Variants in NEDD4L observed in about 807,000 individuals in gnomAD.
The protein encoded by NEDD4L is NEDD4 like E3 ubiquitin protein ligase, also known as E3 ubiquitin-protein ligase NEDD4-like.
Under a neutral mutation model 148.9 loss-of-function variants are expected in NEDD4L, and 54 were observed. The ratio of observed to expected loss-of-function variants is 0.36; its 90% confidence interval spans 0.29 to 0.45. The LOEUF (loss-of-function observed/expected upper bound fraction) is 0.45, where lower values mean the gene tolerates loss of function less well. NEDD4L is among the 20% of genes least tolerant of loss of function. The pLI is 1.00. For missense variants in NEDD4L, 856 were observed against 1,233.8 expected, an observed-to-expected ratio of 0.69 and a Z score of 4.59; for synonymous variants, 433 against 440.7, an observed-to-expected ratio of 0.98 and a Z score of 0.22.
chr18:58,328,866 C>G (rs1012242833), intron 9 of NEDD4L, 129 bp from the exon 10 acceptor site: 86 of 898,426 alleles, frequency 9.6e-5, no homozygotes, highest in Non-Finnish European at 1.4e-4. Context: ...ATTGGATGAC[C>G]AGCTAGTTGT....
intron 2 of NEDD4L, among the ~76,000 whole-genome samples, chr18:58,225,488 C>A (rs1049761242): frequency 6.6e-6 from 1 of 152,174 alleles, no homozygotes; most frequent in Non-Finnish European, 1.5e-5. Context: ...GTTATGCTTG[C>A]GCACATCTAT....
chr18:58,089,801 C>T (rs553185841), intron 1 of NEDD4L, among the ~76,000 whole-genome samples: 147 of 151,458 alleles, frequency 9.7e-4, no homozygotes, highest in South Asian at 8.4e-3. Context: ...TGTGTCTTCA[C>T]GGGGTCTTTA....
intron 2 of NEDD4L, among the ~76,000 whole-genome samples, chr18:58,221,154 G>A (rs1426275083): frequency 2.6e-5 from 4 of 152,196 alleles, no homozygotes; most frequent in Non-Finnish European, 4.4e-5. Context: ...TCTGCCGAGT[G>A]TGGGGCCTCG....
At chr18:58,118,272 C>T (rs951406665) in intron 1 of NEDD4L, among the ~76,000 whole-genome samples, 2 of 152,248 alleles carry the variant, frequency 1.3e-5, no homozygotes, top group African/African-American at 4.8e-5. Context: ...TAAGGCGCTG[C>T]TTGCGCAGTA....
chr18:58,385,455 C>T (rs1312967205), intron 25 of NEDD4L, 71 bp from the exon 26 acceptor site: 2 of 1,229,192 alleles, frequency 1.6e-6, no homozygotes, highest in East Asian at 4.6e-5. Flanking sequence ...GAAGCACTCC[C>T]TGTTGCGGAG....
intron 1 of NEDD4L, among the ~76,000 whole-genome samples, chr18:58,131,968 TCAAA>T (rs1228782283): frequency 6.6e-6 from 1 of 152,200 alleles, no homozygotes; most frequent in Non-Finnish European, 1.5e-5. Context: ...AAAGGTGAGA[TCAAA>T]CATCCACTTT....
intron 14 of NEDD4L, among the ~76,000 whole-genome samples, chr18:58,341,396 T>C (rs1290806715): frequency 6.6e-6 from 1 of 152,220 alleles, no homozygotes; most frequent in African/African-American, 2.4e-5. Flanking sequence ...GTGAAAGATA[T>C]TTTCAAAGTA....
intron 2 of NEDD4L, among the ~76,000 whole-genome samples, chr18:58,172,091 A>G (rs553781039): frequency 8.7e-4 from 133 of 152,200 alleles, no homozygotes; most frequent in African/African-American, 3.1e-3. Context: ...CCTGACCCTC[A>G]CCTTAGGGGT....
At chr18:58,386,884 C>A (rs2049100950) in intron 26 of NEDD4L, among the ~76,000 whole-genome samples, 1 of 152,168 alleles carries the variant, frequency 6.6e-6, no homozygotes, top group Non-Finnish European at 1.5e-5. Context: ...GAAGCAGATT[C>A]CTGGGCCCCA....
intron 1 of NEDD4L, among the ~76,000 whole-genome samples, chr18:58,135,864 ATT>A: frequency 6.6e-6 from 1 of 152,258 alleles, no homozygotes; most frequent in Admixed American, 6.5e-5. Context: ...AGCCCAGGTT[ATT>A]GAGACAGTCT....
chr18:58,333,987 T>A, intron 12 of NEDD4L, 95 bp downstream of exon 12: 6 of 728,878 alleles, frequency 8.2e-6, no homozygotes, highest in Non-Finnish European at 1.3e-5. Context: ...CTGTGTAAAT[T>A]TATTTACAAT....
intron 19 of NEDD4L, among the ~76,000 whole-genome samples, chr18:58,363,970 T>C (rs2045813059): frequency 1.3e-5 from 2 of 152,214 alleles, no homozygotes; most frequent in South Asian, 4.1e-4. Context: ...CTGACTCATA[T>C]TCTGACAAAA....
At chr18:58,144,715 A>T (rs1462900247) in intron 1 of NEDD4L, among the ~76,000 whole-genome samples, 1 of 152,124 alleles carries the variant, frequency 6.6e-6, no homozygotes, top group African/African-American at 2.4e-5. Context: ...AAAATTACCC[A>T]CAGTCTCCCT....
intron 1 of NEDD4L, among the ~76,000 whole-genome samples, chr18:58,117,732 GTC>G (rs1286751668): frequency 1.3e-5 from 2 of 152,160 alleles, no homozygotes; most frequent in Non-Finnish European, 2.9e-5. Flanking sequence ...CCTCTCTGGA[GTC>G]TCTCTTTCTG....
chr18:58,315,837 C>T (rs1211697405), intron 5 of NEDD4L, 145 bp from the exon 6 acceptor site: 1 of 760,290 alleles, frequency 1.3e-6, no homozygotes, highest in Non-Finnish European at 2.4e-6. Flanking sequence ...GGTGTGGTTA[C>T]TCGTGTCTCC....
intron 2 of NEDD4L, among the ~76,000 whole-genome samples, chr18:58,173,038 A>G (rs2037692950): frequency 6.6e-6 from 1 of 152,230 alleles, no homozygotes; most frequent in Admixed American, 6.5e-5. Flanking sequence ...GATTTAGAAT[A>G]GGTATATTTT....
intron 1 of NEDD4L, among the ~76,000 whole-genome samples, chr18:58,153,185 G>T (rs2035015409): frequency 6.6e-6 from 1 of 151,364 alleles, no homozygotes; most frequent in Non-Finnish European, 1.5e-5. Flanking sequence ...CCTCTCACTT[G>T]ATGATAATTT....
intron 1 of NEDD4L, among the ~76,000 whole-genome samples, chr18:58,093,658 A>G (rs763266967): frequency 2.0e-4 from 31 of 152,166 alleles, no homozygotes; most frequent in South Asian, 2.1e-4. Context: ...TGGTAGTCTT[A>G]TATTTGCTAC....
chr18:58,136,551 C>T (rs2032873293), intron 1 of NEDD4L, among the ~76,000 whole-genome samples: 1 of 152,124 alleles, frequency 6.6e-6, no homozygotes, highest in Admixed American at 6.5e-5. Context: ...CTGACTGTGA[C>T]TACAGTGGAT....
Sources: allele counts gnomAD v4.1 joint callset (sites outside exome capture counted in the v4.1 genomes callset), GRCh38; gene constraint gnomAD v4.1.1; transcripts MANE v1.5; gene names NCBI Gene and HGNC (gene_info 2026-07-23, HGNC 2026-07-21).